Variants in NMNAT1 observed in about 807,000 individuals in gnomAD.
NMNAT1 encodes nicotinamide nucleotide adenylyltransferase 1.
Under a neutral mutation model 16.7 loss-of-function variants are expected in NMNAT1, and 11 were observed. The ratio of observed to expected loss-of-function variants is 0.66; its 90% CI spans 0.41 to 1.09. NMNAT1 has a LOEUF of 1.09. Ranked by LOEUF, NMNAT1 falls within the 50% of genes least tolerant of loss-of-function variation. The probability of loss-of-function intolerance (pLI) is 0.00; values close to 1 mark genes in which losing one functional copy is unlikely to be tolerated. For synonymous variants in NMNAT1, 110 were observed against 119.8 expected (o/e 0.92, Z 0.53); for missense variants, 280 against 332.3 (o/e 0.84, Z 1.22).
intron 1 of NMNAT1, among the ~76,000 whole-genome samples, chr1:9,962,535 A>G (rs902252459): frequency 2.6e-5 from 4 of 151,714 alleles, no homozygotes; most frequent in Admixed American, 6.6e-5. Flanking sequence ...GCCAGGCAAT[A>G]TGCTAAGCCC....
chr1:9,987,025 T>C (rs1233339514), downstream of NMNAT1, among the ~76,000 whole-genome samples: 1 of 151,782 alleles, frequency 6.6e-6, no homozygotes, highest in Admixed American at 6.6e-5. Context: ...GGTGAAACCC[T>C]GTCTCTACTA....
the NMNAT1 span, among the ~76,000 whole-genome samples, chr1:9,995,129 G>A: frequency 6.6e-6 from 1 of 152,002 alleles, no homozygotes. Flanking sequence ...GGACACAGTG[G>A]CTTACACCTG....
At chr1:9,957,257 A>G (rs764198851) in intron 1 of NMNAT1, among the ~76,000 whole-genome samples, 2 of 151,816 alleles carry the variant, frequency 1.3e-5, no homozygotes, top group Non-Finnish European at 2.9e-5. Flanking sequence ...TCACACTCCC[A>G]ACCTCAGGTG....
At chr1:9,996,842 T>C in the NMNAT1 span, among the ~76,000 whole-genome samples, 1 of 152,222 alleles carries the variant, frequency 6.6e-6, no homozygotes, top group Non-Finnish European at 1.5e-5. Context: ...CAATCACTTC[T>C]CTCAGGACTC....
chr1:9,943,959 A>C (rs1406381963), intron 1 of NMNAT1, among the ~76,000 whole-genome samples: 1 of 152,162 alleles, frequency 6.6e-6, no homozygotes, highest in Non-Finnish European at 1.5e-5. Context: ...GGCAGCTCTT[A>C]AAAAGTTACC....
At chr1:9,978,963 A>C (rs1300093330) in intron 3 of NMNAT1, among the ~76,000 whole-genome samples, 1 of 152,116 alleles carries the variant, frequency 6.6e-6, no homozygotes, top group Non-Finnish European at 1.5e-5. Context: ...CATGGTCAAG[A>C]GTGTGGGCTC....
At chr1:9,966,352 C>T (rs1641542629) in intron 1 of NMNAT1, among the ~76,000 whole-genome samples, 2 of 151,934 alleles carry the variant, frequency 1.3e-5, no homozygotes, top group African/African-American at 4.8e-5. Context: ...GTGGCTCACG[C>T]CTGTAATCCC....
At chr1:9,963,574 G>A (rs778027091) in intron 1 of NMNAT1, among the ~76,000 whole-genome samples, 289 of 151,508 alleles carry the variant, frequency 1.9e-3, no homozygotes, top group Middle Eastern at 3.4e-3. Context: ...CACGCCCAGC[G>A]AATTTTTGTA....
chr1:9,965,039 C>T (rs934348746), intron 1 of NMNAT1, among the ~76,000 whole-genome samples: 1 of 151,622 alleles, frequency 6.6e-6, no homozygotes, highest in Non-Finnish European at 1.5e-5. Flanking sequence ...GATCTCAGGG[C>T]CAGGTGTGTT....
the NMNAT1 span, among the ~76,000 whole-genome samples, chr1:9,994,900 C>T: frequency 6.6e-6 from 1 of 152,184 alleles, no homozygotes; most frequent in African/African-American, 2.4e-5. Flanking sequence ...GCTTGAGCCA[C>T]TGCGCCTGTC....
Sources: gnomAD v4.1 joint callset for allele counts (sites outside exome capture counted in the v4.1 genomes callset) on GRCh38, gnomAD v4.1.1 for gene constraint, MANE v1.5 for transcripts, NCBI Gene and HGNC (gene_info 2026-07-23, HGNC 2026-07-21) for gene names.